NALCN: variants seen among roughly 807,000 people sequenced by gnomAD.
NALCN encodes sodium leak channel, non-selective.
In NALCN, 111 loss-of-function variants were observed where a neutral mutation model predicts 225.3. The ratio of observed to expected loss-of-function variants is 0.49; its 90% CI spans 0.42 to 0.58. The LOEUF (loss-of-function observed/expected upper bound fraction) is 0.58, where lower values mean the gene tolerates loss of function less well. Among genes scored for constraint, NALCN ranks in the 20% least tolerant of loss-of-function variants. The probability of loss-of-function intolerance (pLI) is 0.00; values close to 1 mark genes in which losing one functional copy is unlikely to be tolerated. For synonymous variants in NALCN, 764 were observed against 769.0 expected (o/e 0.99, Z 0.11); for missense variants, 1,378 against 2,202.4 (o/e 0.63, Z 7.49).
At chr13:101,338,311 C>T (rs1479594010) in intron 7 of NALCN, among the ~76,000 whole-genome samples, 1 of 152,140 alleles carries the variant, frequency 6.6e-6, no homozygotes, top group Non-Finnish European at 1.5e-5. Context: ...TAAGCTGTTT[C>T]AGTTGAATTT....
chr13:101,285,780 T>C (rs2043317084), intron 9 of NALCN, among the ~76,000 whole-genome samples: 1 of 152,172 alleles, frequency 6.6e-6, no homozygotes, highest in Non-Finnish European at 1.5e-5. Flanking sequence ...TGCAAACCTG[T>C]TATAGGACCT....
chr13:101,124,629 G>C lies in NALCN; in HGVS notation c.2171C>G (p.Thr724Ser). Reference sequence around the variant, plus strand: ...TTACCTTAAGATTTTAGTGACTGCGGTCTCCTTTTCCAGAAGGTTCCTTGC... The same window carrying C: ...TTACCTTAAGATTTTAGTGACTGCGCTCTCCTTTTCCAGAAGGTTCCTTGC... ...IRARNLLEKE[T>S]AVTKILRACT... The change falls in exon 18 of 44, where the codon ACC becomes AGC. Residue 724 changes from threonine (T) to serine (S), a missense_variant. Physicochemically the swap from Thr to Ser is moderately conservative, Grantham distance 58. Coordinates refer to ENST00000251127, the MANE Select transcript of NALCN (RefSeq NM_052867.4). 1 of 1,613,988 alleles carries C rather than the reference G, an allele frequency of 6.2e-7. No individual in the cohort carries two copies. The highest frequency in any genetic ancestry group is 8.5e-7 in the Non-Finnish European group (1 of 1,179,940).
chr13:101,277,715 T>A lies in NALCN; in HGVS notation c.1134+6218A>T, dbSNP rs947547935. Reference sequence around the variant, plus strand: ...TACATTTATATATTTATGAATTTATTACTTGTTTATTTATTTCCACACGAT... The same window carrying A: ...TACATTTATATATTTATGAATTTATAACTTGTTTATTTATTTCCACACGAT... On this transcript the variant is annotated intron_variant, in intron 10 of 43. Transcript: ENST00000251127. 9.2e-5 allele frequency among the ~76,000 whole-genome samples: 14 copies of A among 152,230 alleles called. 1 individual carries two copies. Among genetic ancestry groups the A allele is most frequent in the Admixed American group, 6.5e-5 (1 of 15,280 alleles).
At chr13:101,410,418 C>CA (rs2047746484) in intron 1 of NALCN, among the ~76,000 whole-genome samples, 1 of 152,122 alleles carries the variant, frequency 6.6e-6, no homozygotes, top group South Asian at 2.1e-4. Flanking sequence ...GCAACACAGG[C>CA]AAAATATGTC....
chr13:101,382,101 C>T (rs1490469319), intron 3 of NALCN, among the ~76,000 whole-genome samples: 1 of 152,086 alleles, frequency 6.6e-6, no homozygotes, highest in Non-Finnish European at 1.5e-5. Context: ...AACAGTATTA[C>T]TATTTTATTT....
At chr13:101,216,708 T>C (rs2040748053) in intron 13 of NALCN, among the ~76,000 whole-genome samples, 2 of 152,268 alleles carry the variant, frequency 1.3e-5, no homozygotes, top group East Asian at 3.9e-4. Context: ...GAGCAAATTG[T>C]TTCTTCAAAT....
At chr13:101,336,061 G>C (rs920026292) in intron 7 of NALCN, among the ~76,000 whole-genome samples, 2 of 151,834 alleles carry the variant, frequency 1.3e-5, no homozygotes, top group African/African-American at 4.8e-5. Context: ...AAAAATAATA[G>C]AATACTAATA....
rs1008085392 is a variant in NALCN, at chr13:101,055,117, G to A, written c.*178C>T. On this transcript the variant is annotated 3_prime_UTR_variant, in exon 44 of 44. Transcript: ENST00000251127. The stretch of plus-strand genomic sequence containing the variant: ...AAATTTTTTTGAGCAATGATTGATA[G>A]TAACCCATCATACATGCAGCTTATG... 3.4e-6 allele frequency: 2 copies of A among 594,572 alleles called. No individual in the cohort carries two copies. Among genetic ancestry groups the A allele is most frequent in the Non-Finnish European group, 5.8e-6 (2 of 344,978 alleles). The allele number at this position is 594,572 out of a possible 1,614,324, so 36.8% of individuals were successfully genotyped here.
chr13:101,364,661 C>T (rs945570975), intron 6 of NALCN, among the ~76,000 whole-genome samples: 17 of 151,888 alleles, frequency 1.1e-4, no homozygotes, highest in African/African-American at 1.7e-4. Flanking sequence ...AAGACCTAAG[C>T]ATTTGATAAA....
chr13:101,345,358 CCTT>C lies in NALCN; in HGVS notation c.704_706del (p.Glu235del), dbSNP rs1477738116. 6.2e-7 allele frequency: 1 copy of C among 1,613,786 alleles called. No homozygotes were observed. The highest frequency in any genetic ancestry group is 1.7e-5 in the Admixed American group (1 of 59,982). On this transcript the variant is annotated inframe_deletion, in exon 7 of 44. Coordinates refer to ENST00000251127, the MANE Select transcript of NALCN (RefSeq NM_052867.4). ...TTTAAATCCAGGTGGGCACTGGTAG[CCTT>C]CTTCTAGCTCTGGTGAGCAGTGTGT...
At position 101,181,584 on chromosome 13, in the gene NALCN, C is replaced by A. The variant is rs866504902; in HGVS notation, c.1765-5210G>T. Reference sequence around the variant, plus strand: ...CCCTGTCTCTCAAAAAAAAAAAAAACAAAAATTAGTCAGGCATGGTGGCGC... The same window carrying A: ...CCCTGTCTCTCAAAAAAAAAAAAAAAAAAAATTAGTCAGGCATGGTGGCGC... On this transcript the variant is annotated intron_variant, in intron 14 of 43. Coordinates refer to ENST00000251127, the MANE Select transcript of NALCN (RefSeq NM_052867.4). 5.5e-3 allele frequency among the ~76,000 whole-genome samples: 442 copies of A among 80,350 alleles called. 2 individuals are homozygous for A. Among genetic ancestry groups the A allele is most frequent in the South Asian group, 0.025 (60 of 2,412 alleles). 52.7% of individuals were successfully genotyped at this position (80,350 alleles called of 152,430 possible). A position where few individuals can be genotyped will look rare whatever the true frequency, so the allele number is the denominator to read the frequency against.
At chr13:101,182,716 C>T (rs1182084319) in intron 14 of NALCN, among the ~76,000 whole-genome samples, 2 of 152,088 alleles carry the variant, frequency 1.3e-5, no homozygotes, top group Non-Finnish European at 1.5e-5. Context: ...ACTGGCACTC[C>T]GGGTGAGAGA....
At chr13:101,406,542 G>A (rs1380492422) in intron 1 of NALCN, among the ~76,000 whole-genome samples, 1 of 151,988 alleles carries the variant, frequency 6.6e-6, no homozygotes, top group East Asian at 1.9e-4. Context: ...ACAAACTCTT[G>A]GCATCAATTA....
chr13:101,382,001 A>G (rs2046863058), intron 3 of NALCN, among the ~76,000 whole-genome samples: 1 of 152,176 alleles, frequency 6.6e-6, no homozygotes, highest in Non-Finnish European at 1.5e-5. Flanking sequence ...GGAGCAATGA[A>G]TGAGTACATA....
chr13:101,227,619 T>C (rs1406362167), intron 13 of NALCN, among the ~76,000 whole-genome samples: 1 of 152,154 alleles, frequency 6.6e-6, no homozygotes, highest in Non-Finnish European at 1.5e-5. Context: ...GGTCTTGTTC[T>C]CCTGACCAGC....
rs75002213 is a variant in NALCN, at chr13:101,404,875, C to T, written c.-39-5710G>A. Among the ~76,000 whole-genome samples the T allele has an allele frequency of 6.4e-4, 97 of 152,252 alleles. 1 individual carries two copies. The highest frequency in any genetic ancestry group is 2.3e-3 in the African/African-American group (94 of 41,536). On this transcript the variant is annotated intron_variant, in intron 1 of 43. Coordinates refer to ENST00000251127, the MANE Select transcript of NALCN (RefSeq NM_052867.4). The stretch of plus-strand genomic sequence containing the variant: ...CCCATAGCTCATTCACATGCTTATA[C>T]GTGCAAGGCCTTACAAGGTGAGCTG...
chr13:101,144,210 C>A (rs1331471168), intron 16 of NALCN, among the ~76,000 whole-genome samples: 3 of 152,046 alleles, frequency 2.0e-5, no homozygotes, highest in Non-Finnish European at 4.4e-5. Context: ...GGAGGGCAAA[C>A]GTGGTAGAAA....
intron 33 of NALCN, among the ~76,000 whole-genome samples, chr13:101,082,183 A>G (rs976474438): frequency 6.6e-6 from 1 of 152,182 alleles, no homozygotes; most frequent in Non-Finnish European, 1.5e-5. Flanking sequence ...CGGTTATACT[A>G]TCTATTTAAA....
chr13:101,062,023 ACCT>A lies in NALCN; in HGVS notation c.4697_4699del (p.Glu1566del). On this transcript the variant is annotated inframe_deletion, in exon 41 of 44. Transcript: ENST00000251127. ...CCACATGCGGATGGTCTGCTTGGCC[ACCT>A]CCTCCTCTATGGTGTACTCCAGCTG... 6.2e-7 allele frequency: 1 copy of A among 1,613,726 alleles called. No individual in the cohort carries two copies.
Sources: gnomAD v4.1 joint callset for allele counts (sites outside exome capture counted in the v4.1 genomes callset) on GRCh38, gnomAD v4.1.1 for gene constraint, MANE v1.5 for transcripts, NCBI Gene and HGNC (gene_info 2026-07-23, HGNC 2026-07-21) for gene names.